Variants in GNA12 observed in about 807,000 individuals in gnomAD.
The protein encoded by GNA12 is guanine nucleotide-binding protein subunit alpha-12.
Under a neutral mutation model 26.0 loss-of-function variants are expected in GNA12, and 9 were observed. The ratio of observed to expected loss-of-function variants is 0.35; its 90% CI spans 0.21 to 0.60. The LOEUF (loss-of-function observed/expected upper bound fraction) is 0.60, where lower values mean the gene tolerates loss of function less well. Among genes scored for constraint, GNA12 ranks in the 20% least tolerant of loss-of-function variants. The pLI is 0.78. For missense variants in GNA12, 405 were observed against 525.8 expected (o/e 0.77, Z 2.25); for synonymous variants, 264 against 219.6 (o/e 1.20, Z -1.79).
chr7:2,762,772 C>A, intron 2 of GNA12: 2 of 1,546,950 alleles, frequency 1.3e-6, no homozygotes, highest in Non-Finnish European at 1.7e-6. Flanking sequence ...TCCTTTCCAC[C>A]CAGGCTGTAC....
At chr7:2,767,287 G>T (rs1021688571) in intron 2 of GNA12, among the ~76,000 whole-genome samples, 1 of 152,018 alleles carries the variant, frequency 6.6e-6, no homozygotes, top group Non-Finnish European at 1.5e-5. Flanking sequence ...TAGGCTTTTG[G>T]TATCATACCC....
chr7:2,733,342 G>C, intron 3 of GNA12, 109 bp downstream of exon 3: 1 of 839,246 alleles, frequency 1.2e-6, no homozygotes, highest in Admixed American at 2.0e-5. Context: ...GACAGAACAA[G>C]CTCGGCCTGT....
intron 1 of GNA12, among the ~76,000 whole-genome samples, chr7:2,821,218 G>C (rs1337980616): frequency 6.6e-6 from 1 of 152,202 alleles, no homozygotes; most frequent in Non-Finnish European, 1.5e-5. Flanking sequence ...GACAGGCTGA[G>C]AAACAGAATC....
intron 2 of GNA12, among the ~76,000 whole-genome samples, chr7:2,740,957 A>G (rs1583218240): frequency 6.6e-6 from 1 of 152,170 alleles, no homozygotes; most frequent in Non-Finnish European, 1.5e-5. Flanking sequence ...AGGCAGAAGA[A>G]TGGTGTGAAC....
At chr7:2,752,221 A>G (rs997288076) in intron 2 of GNA12, among the ~76,000 whole-genome samples, 1 of 152,212 alleles carries the variant, frequency 6.6e-6, no homozygotes, top group African/African-American at 2.4e-5. Flanking sequence ...AGCATGTGAA[A>G]AAATTCAACA....
intron 1 of GNA12, among the ~76,000 whole-genome samples, chr7:2,808,872 T>C (rs1041907993): frequency 1.3e-5 from 2 of 152,214 alleles, no homozygotes; most frequent in African/African-American, 2.4e-5. Flanking sequence ...ATCTCATTCA[T>C]GGCAAAAACT....
At chr7:2,809,950 A>G (rs1234049066) in intron 1 of GNA12, among the ~76,000 whole-genome samples, 4 of 152,270 alleles carry the variant, frequency 2.6e-5, no homozygotes, top group Non-Finnish European at 4.4e-5. Flanking sequence ...AATACAATAC[A>G]GATACTCCTT....
chr7:2,784,109 T>A (rs1042333371), intron 2 of GNA12, among the ~76,000 whole-genome samples: 2 of 152,188 alleles, frequency 1.3e-5, no homozygotes, highest in South Asian at 4.1e-4. Context: ...AATTTAAAAT[T>A]TAACATTTAT....
chr7:2,729,195 T>C lies in GNA12; in HGVS notation c.*1986A>G, dbSNP rs1789759967. On this transcript the variant is annotated 3_prime_UTR_variant, in exon 4 of 4. Transcript: ENST00000275364. ...ACCCGCTTGCACTTCCTCTGGGCTC[T>C]GGATTCTAACACACACAGGAGACAC... 1 of 152,402 alleles carries C rather than the reference T, an allele frequency of 6.6e-6. No individual in the cohort carries two copies. The highest frequency in any genetic ancestry group is 1.5e-5 in the Non-Finnish European group (1 of 68,070). The allele number at this position is 152,402 out of a possible 1,614,324, so 9.4% of individuals were successfully genotyped here.
chr7:2,736,628 A>G (rs1041521885), intron 2 of GNA12, among the ~76,000 whole-genome samples: 2 of 152,230 alleles, frequency 1.3e-5, no homozygotes, highest in Non-Finnish European at 2.9e-5. Flanking sequence ...GACACTGGGC[A>G]GGACCTAGGC....
At chr7:2,793,689 C>A (rs1347719486) in intron 2 of GNA12, among the ~76,000 whole-genome samples, 3 of 151,876 alleles carry the variant, frequency 2.0e-5, no homozygotes, top group African/African-American at 7.3e-5. Flanking sequence ...TCGAGACCAG[C>A]CTGGCCAACA....
intron 1 of GNA12, among the ~76,000 whole-genome samples, chr7:2,825,298 A>G (rs530060100): frequency 6.8e-4 from 103 of 152,230 alleles, no homozygotes; most frequent in African/African-American, 2.4e-3. Flanking sequence ...AGGACTTCCC[A>G]CTGGCCAACC....
At chr7:2,754,311 T>C (rs749748192) in intron 2 of GNA12, among the ~76,000 whole-genome samples, 7 of 152,204 alleles carry the variant, frequency 4.6e-5, no homozygotes, top group Non-Finnish European at 8.8e-5. Flanking sequence ...TATGTTTTGT[T>C]ATTTTCTGTT....
At chr7:2,832,727 A>T (rs542506857) in intron 1 of GNA12, among the ~76,000 whole-genome samples, 1 of 152,308 alleles carries the variant, frequency 6.6e-6, no homozygotes, top group East Asian at 1.9e-4. Context: ...ATAGATGCTG[A>T]CGTTCACAGA....
rs182442441 is a variant in GNA12, at chr7:2,735,937, C to T, written c.526-2436G>A. ...CAGAGCAACCCTGTGTGATCCAGAA[C>T]GCTGTCACTCACATCCGCACTCTTG... is the stretch of plus-strand genomic sequence containing the variant. On this transcript the variant is annotated intron_variant, in intron 2 of 3. Coordinates refer to ENST00000275364, the MANE Select transcript of GNA12 (RefSeq NM_007353.3). Among the ~76,000 whole-genome samples, 144 of 152,236 alleles carry T rather than the reference C, an allele frequency of 9.5e-4. 1 individual carries two copies. Among genetic ancestry groups the T allele is most frequent in the Non-Finnish European group, 1.6e-3 (111 of 68,020 alleles).
At chr7:2,742,488 T>A (rs1583221295) in intron 2 of GNA12, among the ~76,000 whole-genome samples, 2 of 152,348 alleles carry the variant, frequency 1.3e-5, no homozygotes, top group East Asian at 3.9e-4. Context: ...CCTGTTTATC[T>A]CATCGCTGTC....
At chr7:2,768,250 G>C (rs574303478) in intron 2 of GNA12, among the ~76,000 whole-genome samples, 12 of 152,344 alleles carry the variant, frequency 7.9e-5, no homozygotes, top group African/African-American at 2.9e-4. Context: ...TGCCAAATAA[G>C]TGATCGGAAA....
At chr7:2,783,649 C>CATTTATTTATTTATTTATTTATTT (rs60404277) in intron 2 of GNA12, among the ~76,000 whole-genome samples, 88 of 138,688 alleles carry the variant, frequency 6.3e-4, no homozygotes, top group East Asian at 2.4e-3. Flanking sequence ...GGCTGTAACA[C>CATTTATTTATTTATTTATTTATTT]ATTTATTTAT....
chr7:2,814,112 T>A (rs376675115), intron 1 of GNA12, among the ~76,000 whole-genome samples: 1 of 152,162 alleles, frequency 6.6e-6, no homozygotes, highest in East Asian at 1.9e-4. Flanking sequence ...TGAGTTTGAA[T>A]CACGCCTCGG....
Sources: gnomAD v4.1 joint callset for allele counts (sites outside exome capture counted in the v4.1 genomes callset) on GRCh38, gnomAD v4.1.1 for gene constraint, MANE v1.5 for transcripts, NCBI Gene and HGNC (gene_info 2026-07-23, HGNC 2026-07-21) for gene names.